The following GPR158 variants were observed in gnomAD, a reference collection of about 807,000 sequenced individuals.
GPR158 encodes metabotropic glycine receptor.
A neutral mutation model predicts 78.2 loss-of-function variants in GPR158; 30 were observed. The ratio of observed to expected loss-of-function variants is 0.38; its 90% confidence interval spans 0.29 to 0.52. The LOEUF (loss-of-function observed/expected upper bound fraction) is 0.52, where lower values mean the gene tolerates loss of function less well. Among genes scored for constraint, GPR158 ranks in the 20% least tolerant of loss-of-function variants. The pLI, the probability that GPR158 is intolerant of heterozygous loss-of-function variation, is 0.83. For missense variants in GPR158, 1,463 were observed against 1,523.5 expected, an observed-to-expected ratio of 0.96 and a Z score of 0.66; for synonymous variants, 581 against 591.1, an observed-to-expected ratio of 0.98 and a Z score of 0.25.
chr10:25,423,631 C>G (rs557569875), intron 4 of GPR158, among the ~76,000 whole-genome samples: 5 of 152,224 alleles, frequency 3.3e-5, no homozygotes, highest in South Asian at 2.1e-4. Context: ...TAAGAACATG[C>G]AGTATTTGGT....
chr10:25,494,190 T>TG (rs575921457), intron 5 of GPR158, among the ~76,000 whole-genome samples: 5 of 152,082 alleles, frequency 3.3e-5, no homozygotes, highest in African/African-American at 1.2e-4. Flanking sequence ...TACCTGAGGT[T>TG]GGGGGGAAAG....
At chr10:25,316,578 C>T (rs1226505711) in intron 2 of GPR158, among the ~76,000 whole-genome samples, 2 of 152,132 alleles carry the variant, frequency 1.3e-5, no homozygotes, top group African/African-American at 2.4e-5. Context: ...CATTGATTTT[C>T]ATGTCGTGTT....
intron 1 of GPR158, among the ~76,000 whole-genome samples, chr10:25,184,818 A>G (rs7902783): frequency 0.046 from 6,942 of 152,316 alleles, 454 homozygotes; most frequent in African/African-American, 0.14. Flanking sequence ...TGAGATTTAA[A>G]TGCAATTGTG....
In GPR158 at chr10:25,512,273, G is replaced by A. The variant is rs529148628; in HGVS notation, c.1405-38703G>A. Among the ~76,000 whole-genome samples the A allele has an allele frequency of 1.1e-4, 16 of 152,034 alleles. No homozygotes were observed. In the South Asian group the frequency reaches 3.3e-3, roughly 32 times the overall value. Reference sequence around the variant, plus strand: ...CCTTCTTGGTTAGGTATATTCCTAGGTATTTTACTTTTTTGCAGCTATCAT... The same window carrying A: ...CCTTCTTGGTTAGGTATATTCCTAGATATTTTACTTTTTTGCAGCTATCAT... On this transcript the variant is annotated intron_variant, in intron 5 of 10. Coordinates refer to ENST00000376351, the MANE Select transcript of GPR158 (RefSeq NM_020752.3).
chr10:25,586,068 T>C (rs1487798012), intron 7 of GPR158, among the ~76,000 whole-genome samples: 2 of 152,158 alleles, frequency 1.3e-5, no homozygotes, highest in African/African-American at 4.8e-5. Context: ...TGGGGAGTAC[T>C]GAGACGTCGT....
At chr10:25,504,218 A>C (rs1429255688) in intron 5 of GPR158, among the ~76,000 whole-genome samples, 1 of 152,052 alleles carries the variant, frequency 6.6e-6, no homozygotes, top group Non-Finnish European at 1.5e-5. Context: ...TAATTTACTG[A>C]TTTATTCTCC....
chr10:25,466,595 A>G, intron 4 of GPR158, 56 bp from the exon 5 acceptor site: 1 of 1,127,098 alleles, frequency 8.9e-7, no homozygotes, highest in South Asian at 1.3e-5. Flanking sequence ...AATAGCGTGA[A>G]TTCTCCAGGC....
intron 1 of GPR158, among the ~76,000 whole-genome samples, chr10:25,208,558 TTGTG>T (rs71399956): frequency 0.13 from 17,964 of 134,998 alleles, 1,113 homozygotes; most frequent in East Asian, 0.17. Flanking sequence ...CTATGTGAAT[TTGTG>T]TGTGTGTGTG....
At chr10:25,220,913 C>T in intron 1 of GPR158, 139 bp from the exon 2 acceptor site, 1 of 591,036 alleles carries the variant, frequency 1.7e-6, no homozygotes, top group East Asian at 2.8e-5. Context: ...TCTCTTGGTG[C>T]ACTTTGGTTG....
rs1041069416 is a variant in GPR158, at chr10:25,256,434, G to A, written c.1008+35277G>A. ...TGGGAGGCTGAGGTAGGAAGATCAC[G>A]CGAGGCCAGGAGTTCAAGACCAACC... On this transcript the variant is annotated intron_variant, in intron 2 of 10. Transcript: ENST00000376351. Among the ~76,000 whole-genome samples the A allele has an allele frequency of 3.9e-5, 6 of 152,070 alleles. 1 individual carries two copies. The highest frequency in any genetic ancestry group is 6.5e-5 in the Admixed American group (1 of 15,278).
intron 7 of GPR158, among the ~76,000 whole-genome samples, chr10:25,583,213 C>T (rs1588923439): frequency 6.6e-6 from 1 of 152,098 alleles, no homozygotes. Flanking sequence ...TAACTTGCAA[C>T]GTCTTCTGTA....
chr10:25,253,580 TA>T (rs1330303217), intron 2 of GPR158, among the ~76,000 whole-genome samples: 2 of 152,194 alleles, frequency 1.3e-5, no homozygotes, highest in Non-Finnish European at 2.9e-5. Flanking sequence ...AGGCAGAATA[TA>T]ATTATCTAAT....
At chr10:25,371,456 T>C (rs1047281679) in intron 2 of GPR158, among the ~76,000 whole-genome samples, 1 of 151,886 alleles carries the variant, frequency 6.6e-6, no homozygotes, top group African/African-American at 2.4e-5. Flanking sequence ...CTTCAAACTA[T>C]ACTATAAGGC....
rs530215816 is a variant in GPR158, at chr10:25,592,458, T to C, written c.1893-1834T>C. Among the ~76,000 whole-genome samples, 9 of 152,178 alleles carry C rather than the reference T, an allele frequency of 5.9e-5. No individual in the cohort carries two copies. The South Asian group carries it at 1.4e-3, about 25-fold the overall frequency. ...TCAATTTTCAAATATTTTATGCTCCTGGCTTTTAGACCTATGTTTTAAAAG... is the reference window on the plus strand; with the variant it reads ...TCAATTTTCAAATATTTTATGCTCCCGGCTTTTAGACCTATGTTTTAAAAG... On this transcript the variant is annotated intron_variant, in intron 8 of 10. Transcript: ENST00000376351.
intron 6 of GPR158, among the ~76,000 whole-genome samples, chr10:25,553,868 T>G (rs1243070940): frequency 6.6e-6 from 1 of 152,184 alleles, no homozygotes; most frequent in Non-Finnish European, 1.5e-5. Context: ...CATCTGAGAA[T>G]TAGTTTTCTC....
intron 6 of GPR158, among the ~76,000 whole-genome samples, chr10:25,565,197 A>AATCT: frequency 6.6e-6 from 1 of 152,314 alleles, no homozygotes; most frequent in Middle Eastern, 3.4e-3. Flanking sequence ...TGGTCAATTA[A>AATCT]ATCTTCTTGC....
intron 2 of GPR158, among the ~76,000 whole-genome samples, chr10:25,278,208 G>GA (rs1047786840): frequency 2.0e-5 from 3 of 151,888 alleles, no homozygotes; most frequent in African/African-American, 7.3e-5. Context: ...GAGATGGCAA[G>GA]AAAAAAATGA....
At chr10:25,452,076 C>T (rs1435176701) in intron 4 of GPR158, among the ~76,000 whole-genome samples, 1 of 151,966 alleles carries the variant, frequency 6.6e-6, no homozygotes, top group Non-Finnish European at 1.5e-5. Flanking sequence ...CTTGCTCTGT[C>T]ACCCAGGTTG....
At chr10:25,329,280 CA>C (rs1358610223) in intron 2 of GPR158, among the ~76,000 whole-genome samples, 5 of 147,648 alleles carry the variant, frequency 3.4e-5, no homozygotes, top group South Asian at 4.3e-4. Flanking sequence ...ACTAAAAATA[CA>C]AAAAAAAAAT....
Sources: allele counts gnomAD v4.1 joint callset (sites outside exome capture counted in the v4.1 genomes callset), GRCh38; gene constraint gnomAD v4.1.1; transcripts MANE v1.5; gene names NCBI Gene and HGNC (gene_info 2026-07-23, HGNC 2026-07-21).